The following AK5 variants were observed in gnomAD, a reference collection of about 807,000 sequenced individuals.
AK5 encodes the protein adenylate kinase 5.
In AK5, 27 loss-of-function variants were observed where a neutral mutation model predicts 69.5. That is an observed-to-expected ratio of 0.39 (90% CI 0.29 to 0.54). The LOEUF (loss-of-function observed/expected upper bound fraction) is 0.54, where lower values mean the gene tolerates loss of function less well. AK5 is among the 20% of genes least tolerant of loss of function. The probability of loss-of-function intolerance (pLI) is 0.71; values close to 1 mark genes in which losing one functional copy is unlikely to be tolerated. For synonymous variants in AK5, 260 were observed against 244.4 expected, an observed-to-expected ratio of 1.06 and a Z score of -0.60; for missense variants, 531 against 700.4, an observed-to-expected ratio of 0.76 and a Z score of 2.73.
At chr1:77,521,732 T>TCCTC in intron 11 of AK5, 95 bp from the exon 12 acceptor site, 1 of 868,164 alleles carries the variant, frequency 1.2e-6, no homozygotes, top group Non-Finnish European at 1.9e-6. Context: ...ACCTGAACCT[T>TCCTC]CCTCCCTCCC....
At chr1:77,337,546 C>T (rs1261559549) in intron 5 of AK5, among the ~76,000 whole-genome samples, 1 of 151,900 alleles carries the variant, frequency 6.6e-6, no homozygotes, top group Non-Finnish European at 1.5e-5. Context: ...ATTATAGTGG[C>T]TGAAGCTGGA....
At chr1:77,413,483 G>T (rs1041568766) in intron 7 of AK5, among the ~76,000 whole-genome samples, 1 of 152,066 alleles carries the variant, frequency 6.6e-6, no homozygotes, top group Non-Finnish European at 1.5e-5. Context: ...TGCTCTGATC[G>T]TCTGCTTCTT....
chr1:77,376,438 AAAAAAAAAAAAAC>A (rs543555367), intron 6 of AK5, among the ~76,000 whole-genome samples: 6,887 of 73,436 alleles, frequency 0.094, 289 homozygotes, highest in South Asian at 0.27. Context: ...AATGCCAAAA[AAAAAAAAAAAAAC>A]AAAAAAAAAA....
rs201533457 is a variant in AK5 at position 77,293,784 on chromosome 1, C to G, written c.248-9C>G. 2.2e-4 allele frequency: 350 copies of G among 1,592,602 alleles called. 1 individual carries two copies. Among genetic ancestry groups the G allele is most frequent in the Non-Finnish European group, 2.8e-4 (326 of 1,171,144 alleles). On this transcript the variant is annotated splice_polypyrimidine_tract_variant and intron_variant, in intron 2 of 13. Coordinates refer to ENST00000354567, the MANE Select transcript of AK5 (RefSeq NM_174858.3). ...TTTTCCTTTTCAAAGTTATCTTACTCTTTTGCAGTAATGCCTGAAAACTCA... is the reference window on the plus strand; with the variant it reads ...TTTTCCTTTTCAAAGTTATCTTACTGTTTTGCAGTAATGCCTGAAAACTCA...
intron 6 of AK5, among the ~76,000 whole-genome samples, chr1:77,348,239 A>G (rs1662009525): frequency 6.6e-6 from 1 of 152,228 alleles, no homozygotes; most frequent in African/African-American, 2.4e-5. Flanking sequence ...TATAAAACAA[A>G]TAATGTGGAC....
intron 10 of AK5, among the ~76,000 whole-genome samples, chr1:77,498,005 C>A (rs950222831): frequency 3.9e-5 from 6 of 152,102 alleles, no homozygotes; most frequent in African/African-American, 1.4e-4. Flanking sequence ...AGATGTGAAG[C>A]CATGTGTGTG....
intron 8 of AK5, among the ~76,000 whole-genome samples, chr1:77,422,734 G>T (rs147819888): frequency 1.1e-4 from 17 of 152,180 alleles, no homozygotes; most frequent in Non-Finnish European, 1.9e-4. Flanking sequence ...ACTATGTTCT[G>T]CTCTCTGTAT....
intron 1 of AK5, chr1:77,283,202 C>G: frequency 1.0e-6 from 1 of 985,438 alleles, no homozygotes; most frequent in Non-Finnish European, 1.2e-6. Context: ...TAAGCCACAA[C>G]CCCTGTCTCA....
At chr1:77,294,341 G>C (rs530826266) in intron 3 of AK5, among the ~76,000 whole-genome samples, 8 of 152,118 alleles carry the variant, frequency 5.3e-5, no homozygotes, top group African/African-American at 1.9e-4. Flanking sequence ...CTAGTAGGCA[G>C]GCTGAGCCAG....
intron 6 of AK5, among the ~76,000 whole-genome samples, chr1:77,344,007 T>G (rs1661789906): frequency 6.6e-6 from 1 of 152,264 alleles, no homozygotes; most frequent in South Asian, 2.1e-4. Flanking sequence ...ACTCAGTGTC[T>G]TCTTTAGATT....
intron 5 of AK5, among the ~76,000 whole-genome samples, chr1:77,319,395 G>T (rs1295488318): frequency 6.6e-6 from 1 of 152,164 alleles, no homozygotes; most frequent in African/African-American, 2.4e-5. Flanking sequence ...AAGGGAAAAT[G>T]GATAACACAA....
chr1:77,434,714 A>AG (rs943091672), intron 8 of AK5, among the ~76,000 whole-genome samples: 16 of 152,270 alleles, frequency 1.1e-4, no homozygotes, highest in African/African-American at 3.8e-4. Flanking sequence ...AATTACCAAA[A>AG]GGGGGAAAGA....
At chr1:77,538,973 T>C (rs1251618339) in intron 13 of AK5, among the ~76,000 whole-genome samples, 1 of 152,204 alleles carries the variant, frequency 6.6e-6, no homozygotes, top group Non-Finnish European at 1.5e-5. Flanking sequence ...TGGGCAGACC[T>C]CAGGACCAGA....
chr1:77,479,466 A>T (rs977761915), intron 8 of AK5, among the ~76,000 whole-genome samples: 1 of 152,220 alleles, frequency 6.6e-6, no homozygotes, highest in African/African-American at 2.4e-5. Context: ...TTGGCCTCCC[A>T]AAGTGCTGGG....
At chr1:77,292,397 A>G (rs1397205850) in intron 2 of AK5, among the ~76,000 whole-genome samples, 2 of 152,156 alleles carry the variant, frequency 1.3e-5, no homozygotes, top group African/African-American at 4.8e-5. Flanking sequence ...TATTTATTGT[A>G]TCAACAGAGA....
At chr1:77,509,984 T>G (rs1657249439) in intron 10 of AK5, among the ~76,000 whole-genome samples, 1 of 152,160 alleles carries the variant, frequency 6.6e-6, no homozygotes, top group Non-Finnish European at 1.5e-5. Context: ...CCACCCCCAT[T>G]TTGTAACTGA....
chr1:77,367,581 T>C (rs1202320426), intron 6 of AK5, among the ~76,000 whole-genome samples: 1 of 55,166 alleles, frequency 1.8e-5, no homozygotes, highest in Non-Finnish European at 3.2e-5. Flanking sequence ...ATATATATAA[T>C]ATATATGTTA....
chr1:77,459,903 T>C (rs1557608437), intron 8 of AK5, among the ~76,000 whole-genome samples: 1 of 152,186 alleles, frequency 6.6e-6, no homozygotes, highest in South Asian at 2.1e-4. Flanking sequence ...CATTTTATAA[T>C]ATTTTAAAGA....
intron 8 of AK5, among the ~76,000 whole-genome samples, chr1:77,436,972 C>T (rs2100625109): frequency 6.6e-6 from 1 of 152,136 alleles, no homozygotes; most frequent in Admixed American, 6.5e-5. Flanking sequence ...ATTACATAAA[C>T]AAAGATCGTT....
Sources: allele counts gnomAD v4.1 joint callset (sites outside exome capture counted in the v4.1 genomes callset), GRCh38; gene constraint gnomAD v4.1.1; transcripts MANE v1.5; gene names NCBI Gene and HGNC (gene_info 2026-07-23, HGNC 2026-07-21).